The following EGLN1 variants were observed in gnomAD, a reference collection of about 807,000 sequenced individuals.
EGLN1 encodes the protein egl-9 family hypoxia inducible factor 1.
Under a neutral mutation model 38.3 loss-of-function variants are expected in EGLN1, and 17 were observed. The observed-to-expected ratio is 0.44, with a 90% CI of 0.30 to 0.67. The LOEUF (loss-of-function observed/expected upper bound fraction) is 0.67, where lower values mean the gene tolerates loss of function less well. Among genes scored for constraint, EGLN1 ranks in the 30% least tolerant of loss-of-function variants. The pLI, the probability that EGLN1 is intolerant of heterozygous loss-of-function variation, is 0.08. For synonymous variants in EGLN1, 283 were observed against 257.5 expected (o/e 1.10, Z -0.95); for missense variants, 477 against 603.3 (o/e 0.79, Z 2.19).
rs748926816 is a variant in EGLN1, at chr1:231,366,448, T to C, written c.1244A>G (p.Asn415Ser). 2.4e-5 allele frequency: 39 copies of C among 1,614,096 alleles called. No homozygotes were observed. The highest frequency in any genetic ancestry group is 2.5e-5 in the Non-Finnish European group (29 of 1,180,020). ...TTTACCGACCGAATCTGAAGGTTTA[T>C]TGAGTTCAACCCTCACACCTTTTTC... ...TGEKGVRVEL[N>S]KPSDSVGKDV... Residue 415 changes from asparagine to serine, a missense_variant, in exon 5 of 5, where the codon AAT becomes AGT. Asn to Ser is a conservative substitution (Grantham distance 46). Coordinates refer to ENST00000366641, the MANE Select transcript of EGLN1 (RefSeq NM_022051.3).
chr1:231,370,793 T>G, intron 2 of EGLN1, 95 bp from the exon 3 acceptor site: 2 of 1,397,574 alleles, frequency 1.4e-6, no homozygotes, highest in East Asian at 4.6e-5. Flanking sequence ...ATGTCTTAAT[T>G]GGATTATTCA....
In EGLN1 at chr1:231,422,002, C is replaced by T; in HGVS notation, c.-114G>A. The T allele has an allele frequency of 1.7e-6, 2 of 1,145,132 alleles. No homozygotes were observed. The highest frequency in any genetic ancestry group is 2.2e-6 in the Non-Finnish European group (2 of 890,570). The allele number at this position is 1,145,132 out of a possible 1,614,324, so 70.9% of individuals were successfully genotyped here. ...AGAGAGATAGGGGCCGTTACTGCGC[C>T]ATGCACCCGCTACCCTCGCCTCAGG... is the stretch of plus-strand genomic sequence containing the variant. On this transcript the variant is annotated 5_prime_UTR_variant, in exon 1 of 5. It removes an upstream start codon present in the reference 5' UTR. Transcript: ENST00000366641.
rs560687911 is a variant in EGLN1 at position 231,379,434 on chromosome 1, C to A, written c.892-5335G>T. On this transcript the variant is annotated intron_variant, in intron 1 of 4. Transcript: ENST00000366641. ...CATTGCCAAACTTCTAAATAAAGAC[C>A]AAAACACTTCTAATGGTAAACCTTG... Among the ~76,000 whole-genome samples, 22 of 152,242 alleles carry A rather than the reference C, an allele frequency of 1.4e-4. No individual in the cohort carries two copies. In the East Asian group the frequency reaches 4.0e-3, roughly 28 times the overall value.
In EGLN1 at chr1:231,421,822, G is replaced by A. The variant is rs768214321; in HGVS notation, c.67C>T (p.Leu23=). 4.5e-6 allele frequency: 7 copies of A among 1,543,940 alleles called. No individual in the cohort carries two copies. In the Admixed American group the frequency reaches 9.2e-5, roughly 20 times the overall value. ...PSERDRQYCE[L]CGKMENLLRC... ...AGCAGGTTCTCCATCTTCCCGCACA[G>A]CTCGCAGTACTGCCGGTCTCGCTCG... The change falls in exon 1 of 5, where the codon CTG becomes TTG. Residue 23 remains leucine, a synonymous_variant. Transcript: ENST00000366641. The surrounding 1 kb of genome is among the most constrained non-coding windows in gnomAD (Gnocchi z 5.5).
chr1:231,366,396 G>A lies in EGLN1; in HGVS notation c.*15C>T. On this transcript the variant is annotated 3_prime_UTR_variant, in exon 5 of 5. Transcript: ENST00000366641. ...AATATTGTAGGTGAAGTGGGGTATT[G>A]CTGGATCAAAGGCTCTAGAAGACGT... 1 of 1,613,088 alleles carries A rather than the reference G, an allele frequency of 6.2e-7. No homozygotes were observed.
At chr1:231,394,728 A>G (rs1020803978) in intron 1 of EGLN1, among the ~76,000 whole-genome samples, 10 of 151,870 alleles carry the variant, frequency 6.6e-5, no homozygotes, top group African/African-American at 2.4e-4. Flanking sequence ...GATATTTTCT[A>G]TGTACTTACC....
At chr1:231,419,106 C>A (rs1032054890) in intron 1 of EGLN1, among the ~76,000 whole-genome samples, 7 of 152,124 alleles carry the variant, frequency 4.6e-5, no homozygotes, top group African/African-American at 1.7e-4. Context: ...CCTGAAGTTG[C>A]GTCCCTAAAA....
At chr1:231,399,400 G>A (rs986196966) in intron 1 of EGLN1, among the ~76,000 whole-genome samples, 4 of 152,196 alleles carry the variant, frequency 2.6e-5, no homozygotes, top group African/African-American at 9.7e-5. Flanking sequence ...CAGTCTACCT[G>A]ACAGGCCTAT....
At chr1:231,385,390 A>C (rs570570830) in intron 1 of EGLN1, among the ~76,000 whole-genome samples, 3 of 152,340 alleles carry the variant, frequency 2.0e-5, no homozygotes, top group African/African-American at 7.2e-5. Context: ...TGACTACTTC[A>C]CTGGGGAGAA....
intron 1 of EGLN1, among the ~76,000 whole-genome samples, chr1:231,386,922 T>A (rs1273745725): frequency 6.6e-6 from 1 of 152,182 alleles, no homozygotes; most frequent in Non-Finnish European, 1.5e-5. Context: ...CGCAGTGGCT[T>A]GGATCATAGC....
At chr1:231,368,930 T>G (rs1330723154) in intron 3 of EGLN1, among the ~76,000 whole-genome samples, 2 of 152,152 alleles carry the variant, frequency 1.3e-5, no homozygotes, top group African/African-American at 4.8e-5. Flanking sequence ...TACTTTTGGG[T>G]GGCCTTGGAA....
intron 1 of EGLN1, among the ~76,000 whole-genome samples, chr1:231,401,547 A>G (rs1327073185): frequency 2.0e-5 from 3 of 151,770 alleles, no homozygotes; most frequent in African/African-American, 7.2e-5. Context: ...GTGACAGAAA[A>G]AAATTACAAA....
rs563238504 is a variant in EGLN1, at chr1:231,386,230, T to C, written c.892-12131A>G. Reference sequence around the variant, plus strand: ...ATTCAAGTCACAACTTTCATCAGAGTACAAGTTCTATTTGTATAGAACTCT... The same window carrying C: ...ATTCAAGTCACAACTTTCATCAGAGCACAAGTTCTATTTGTATAGAACTCT... On this transcript the variant is annotated intron_variant, in intron 1 of 4. Coordinates refer to ENST00000366641, the MANE Select transcript of EGLN1 (RefSeq NM_022051.3). 3.3e-5 allele frequency among the ~76,000 whole-genome samples: 5 copies of C among 152,276 alleles called. No individual in the cohort carries two copies. In the East Asian group the frequency reaches 9.6e-4, roughly 29 times the overall value.
At chr1:231,376,447 C>A (rs919537632) in intron 1 of EGLN1, among the ~76,000 whole-genome samples, 1 of 152,212 alleles carries the variant, frequency 6.6e-6, no homozygotes, top group South Asian at 2.1e-4. Flanking sequence ...GCAAGAGTAG[C>A]GATGCTGGCA....
intron 1 of EGLN1, among the ~76,000 whole-genome samples, chr1:231,406,026 A>C (rs1322028235): frequency 1.0e-5 from 1 of 99,486 alleles, no homozygotes; most frequent in Admixed American, 1.3e-4. Flanking sequence ...ACTATTACTA[A>C]GGCTTTTTTT....
At chr1:231,368,614 G>A (rs1055599504) in intron 3 of EGLN1, among the ~76,000 whole-genome samples, 1 of 152,176 alleles carries the variant, frequency 6.6e-6, no homozygotes, top group Non-Finnish European at 1.5e-5. Flanking sequence ...GTGAAAGTAC[G>A]CTACAAATCA....
chr1:231,421,278 T>A lies in EGLN1; in HGVS notation c.611A>T (p.Lys204Met). The A allele has an allele frequency of 6.2e-7, 1 of 1,613,546 alleles. No homozygotes were observed. The highest frequency in any genetic ancestry group is 8.5e-7 in the Non-Finnish European group (1 of 1,179,982). Residue 204 changes from lysine to methionine, a missense_variant, in exon 1 of 5, where the codon AAG (lysine) becomes ATG (methionine). By Grantham distance (95) the Lys-to-Met change is moderately conservative. Around this residue, in one of 4 missense-constraint regions of EGLN1, gnomAD observed 119 missense variants for 179.0 expected, o/e 0.66. Coordinates refer to ENST00000366641, the MANE Select transcript of EGLN1 (RefSeq NM_022051.3). The surrounding 1 kb of genome is among the most constrained non-coding windows in gnomAD (Gnocchi z 5.5). ...GTCGTCCACCACACAGATGCCGTGC[T>A]TGTTCATGCACGGCACGATGTACTC... ...ALEYIVPCMN[K>M]HGICVVDDFL... is the part of the protein sequence containing the mutation.
At chr1:231,418,437 G>C (rs951419781) in intron 1 of EGLN1, among the ~76,000 whole-genome samples, 1 of 152,174 alleles carries the variant, frequency 6.6e-6, no homozygotes, top group Admixed American at 6.5e-5. Context: ...TTAAAAAAGA[G>C]CATGGGTTTG....
intron 1 of EGLN1, among the ~76,000 whole-genome samples, chr1:231,415,272 A>T (rs1236166383): frequency 4.5e-5 from 2 of 44,486 alleles, no homozygotes; most frequent in Admixed American, 4.8e-4. Context: ...CTGTCCTTTA[A>T]AAAAAAAAAA....
Sources: allele counts gnomAD v4.1 joint callset (sites outside exome capture counted in the v4.1 genomes callset), GRCh38; gene constraint gnomAD v4.1.1; regional missense constraint gnomAD v4.1.1; non-coding constraint Gnocchi (gnomAD v3.1); transcripts MANE v1.5; gene names NCBI Gene and HGNC (gene_info 2026-07-23, HGNC 2026-07-21).